The following SGCD variants were observed in gnomAD, a reference collection of about 807,000 sequenced individuals.
SGCD encodes delta-sarcoglycan.
Under a neutral mutation model 36.6 loss-of-function variants are expected in SGCD, and 18 were observed. The ratio of observed to expected loss-of-function variants is 0.49; its 90% CI spans 0.34 to 0.73. The LOEUF (loss-of-function observed/expected upper bound fraction) is 0.73, where lower values mean the gene tolerates loss of function less well. Among genes scored for constraint, SGCD ranks in the 30% least tolerant of loss-of-function variants. The pLI is 0.01. For synonymous variants in SGCD, 133 were observed against 130.6 expected (o/e 1.02, Z -0.12); for missense variants, 387 against 346.7 (o/e 1.12, Z -0.92).
chr5:156,268,318 T>C (rs535785382), intron 3 of SGCD, among the ~76,000 whole-genome samples: 1 of 152,330 alleles, frequency 6.6e-6, no homozygotes, highest in East Asian at 1.9e-4. Context: ...GTCTTTATGG[T>C]AGAATAATTT....
intron 6 of SGCD, among the ~76,000 whole-genome samples, chr5:156,637,804 T>A (rs1024290793): frequency 7.2e-5 from 11 of 152,170 alleles, no homozygotes; most frequent in Non-Finnish European, 1.5e-4. Context: ...AAATCACCTA[T>A]AAAGCATGCT....
intron 3 of SGCD, among the ~76,000 whole-genome samples, chr5:156,381,948 CACTT>C (rs1242224909): frequency 6.6e-6 from 1 of 152,168 alleles, no homozygotes; most frequent in Non-Finnish European, 1.5e-5. Context: ...CTGTGTAAAT[CACTT>C]AACACATAGT....
chr5:156,452,394 C>T (rs1398231359), intron 3 of SGCD, among the ~76,000 whole-genome samples: 1 of 152,180 alleles, frequency 6.6e-6, no homozygotes, highest in Non-Finnish European at 1.5e-5. Flanking sequence ...TGACCACATT[C>T]TCCTTTTGCT....
chr5:155,973,018 G>A (rs1357867422), intron 1 of SGCD, among the ~76,000 whole-genome samples: 2 of 151,754 alleles, frequency 1.3e-5, no homozygotes, highest in East Asian at 3.9e-4. Context: ...ATGATATCTT[G>A]TGCCATGCCA....
chr5:156,313,238 G>A (rs1046769285), intron 3 of SGCD, among the ~76,000 whole-genome samples: 8 of 151,736 alleles, frequency 5.3e-5, no homozygotes, highest in Admixed American at 1.3e-4. Context: ...TAAAAAAAAA[G>A]CCTGTATCTT....
At chr5:156,651,355 T>G (rs924456687) in intron 7 of SGCD, among the ~76,000 whole-genome samples, 1 of 152,122 alleles carries the variant, frequency 6.6e-6, no homozygotes, top group Admixed American at 6.6e-5. Context: ...TTTGAGGACT[T>G]AGTCATAAAC....
chr5:156,388,705 A>G (rs1056249095), intron 3 of SGCD, among the ~76,000 whole-genome samples: 1 of 152,236 alleles, frequency 6.6e-6, no homozygotes, highest in African/African-American at 2.4e-5. Context: ...TTCTTGACAA[A>G]ATAAATGTAA....
the SGCD span, among the ~76,000 whole-genome samples, chr5:155,835,594 T>C: frequency 1.3e-5 from 2 of 152,240 alleles, no homozygotes; most frequent in Non-Finnish European, 2.9e-5. Flanking sequence ...GAGATGGTTA[T>C]TGTATTCAAA....
chr5:155,977,227 G>A (rs766541519), intron 1 of SGCD, among the ~76,000 whole-genome samples: 7 of 152,042 alleles, frequency 4.6e-5, no homozygotes, highest in Non-Finnish European at 1.0e-4. Flanking sequence ...GATTCCTGCC[G>A]CCCATTTAGT....
chr5:156,225,981 T>C (rs1764845822), intron 3 of SGCD, among the ~76,000 whole-genome samples: 1 of 152,266 alleles, frequency 6.6e-6, no homozygotes, highest in South Asian at 2.1e-4. Flanking sequence ...ATATGGATAA[T>C]TTACTGGAAA....
At chr5:155,817,942 C>G in the SGCD span, among the ~76,000 whole-genome samples, 1 of 152,088 alleles carries the variant, frequency 6.6e-6, no homozygotes, top group Non-Finnish European at 1.5e-5. Flanking sequence ...TAAAATAAAG[C>G]AAAGTTGTTT....
intron 3 of SGCD, among the ~76,000 whole-genome samples, chr5:156,473,669 T>C (rs557460110): frequency 1.1e-4 from 17 of 152,312 alleles, no homozygotes; most frequent in African/African-American, 4.1e-4. Flanking sequence ...GCTCTCAAAC[T>C]TTAATATACA....
At chr5:156,560,728 CTA>C (rs1444976186) in intron 4 of SGCD, among the ~76,000 whole-genome samples, 1 of 152,110 alleles carries the variant, frequency 6.6e-6, no homozygotes, top group Non-Finnish European at 1.5e-5. Context: ...ATAAGAAACA[CTA>C]TAGTGTGGTA....
At chr5:156,033,981 G>C (rs1252159622) in intron 1 of SGCD, among the ~76,000 whole-genome samples, 5 of 152,146 alleles carry the variant, frequency 3.3e-5, no homozygotes, top group East Asian at 1.9e-4. Flanking sequence ...AGGGAAAACT[G>C]TGTCTTGCTA....
chr5:156,565,471 T>A (rs985058027), intron 4 of SGCD, among the ~76,000 whole-genome samples: 1 of 152,218 alleles, frequency 6.6e-6, no homozygotes, highest in African/African-American at 2.4e-5. Context: ...ATTACATAAA[T>A]CAAAGTAATT....
At chr5:156,367,256 G>T (rs1010895707) in intron 3 of SGCD, among the ~76,000 whole-genome samples, 2 of 152,212 alleles carry the variant, frequency 1.3e-5, no homozygotes. Context: ...GGTAGAAAGA[G>T]GATGCAGGAA....
chr5:155,882,334 C>G (rs887279924), intron 1 of SGCD, among the ~76,000 whole-genome samples: 1 of 152,020 alleles, frequency 6.6e-6, no homozygotes, highest in Admixed American at 6.5e-5. Flanking sequence ...CTGCCTTGGC[C>G]TCCCGAAGAT....
chr5:156,003,041 C>T (rs1008898119), intron 1 of SGCD, among the ~76,000 whole-genome samples: 6 of 152,272 alleles, frequency 3.9e-5, no homozygotes, highest in South Asian at 2.1e-4. Context: ...GGGTCTTCAC[C>T]GGAGAGCCTC....
the SGCD span, among the ~76,000 whole-genome samples, chr5:155,837,023 G>T: frequency 1.3e-5 from 2 of 152,136 alleles, no homozygotes; most frequent in South Asian, 2.1e-4. Context: ...GTATTGTTTT[G>T]TTTCTGTTTG....
Sources: allele counts gnomAD v4.1 joint callset (sites outside exome capture counted in the v4.1 genomes callset), GRCh38; gene constraint gnomAD v4.1.1; transcripts MANE v1.5; gene names NCBI Gene and HGNC (gene_info 2026-07-23, HGNC 2026-07-21).